The following SRPK2 variants were observed in gnomAD, a reference collection of about 807,000 sequenced individuals.
SRPK2 encodes SRSF protein kinase 2.
SRPK2 carries 21 observed loss-of-function variants against 90.8 expected under a neutral mutation model. The observed-to-expected ratio is 0.23, with a 90% confidence interval of 0.16 to 0.33. The LOEUF is 0.33. SRPK2 is among the 10% of genes least tolerant of loss of function. SRPK2 has a pLI of 1.00. For missense variants in SRPK2, 620 were observed against 869.0 expected (o/e 0.71, Z 3.60); for synonymous variants, 288 against 311.1 (o/e 0.93, Z 0.78).
chr7:105,250,339 T>TAAACAAAC (rs58664882), intron 2 of SRPK2, among the ~76,000 whole-genome samples: 13 of 151,092 alleles, frequency 8.6e-5, no homozygotes, highest in African/African-American at 2.4e-4. Flanking sequence ...AAACTCTGTC[T>TAAACAAAC]AAACAAACAA....
chr7:105,240,822 C>T (rs754277175), intron 2 of SRPK2, among the ~76,000 whole-genome samples: 2 of 152,130 alleles, frequency 1.3e-5, no homozygotes, highest in Non-Finnish European at 2.9e-5. Flanking sequence ...TCAATTTCCA[C>T]AAATAAAATA....
At chr7:105,338,844 T>TGG (rs1282140101) in intron 2 of SRPK2, among the ~76,000 whole-genome samples, 1 of 152,162 alleles carries the variant, frequency 6.6e-6, no homozygotes, top group Non-Finnish European at 1.5e-5. Flanking sequence ...ATTAGAATCT[T>TGG]GGATTTTTCA....
intron 2 of SRPK2, among the ~76,000 whole-genome samples, chr7:105,364,277 G>A (rs1818763131): frequency 6.6e-6 from 1 of 152,038 alleles, no homozygotes; most frequent in Non-Finnish European, 1.5e-5. Flanking sequence ...AAGCCTGATG[G>A]TTTTCATTGC....
intron 2 of SRPK2, among the ~76,000 whole-genome samples, chr7:105,226,843 G>A (rs1302500048): frequency 6.6e-6 from 1 of 151,848 alleles, no homozygotes; most frequent in Non-Finnish European, 1.5e-5. Flanking sequence ...ACTAAAAATA[G>A]AAAAATTAGC....
intron 2 of SRPK2, among the ~76,000 whole-genome samples, chr7:105,278,713 AGGAAAGG>A (rs1408534468): frequency 6.7e-6 from 1 of 149,746 alleles, no homozygotes; most frequent in Non-Finnish European, 1.5e-5. Flanking sequence ...GAAAGGAAAG[AGGAAAGG>A]GGAAAGGGGG....
intron 3 of SRPK2, among the ~76,000 whole-genome samples, chr7:105,176,216 A>G (rs186006016): frequency 2.6e-4 from 39 of 152,334 alleles, no homozygotes; most frequent in Admixed American, 1.5e-3. Context: ...ATATGCTAAA[A>G]AAGAAAATCT....
intron 2 of SRPK2, among the ~76,000 whole-genome samples, chr7:105,301,310 G>A (rs1810523016): frequency 6.7e-6 from 1 of 149,636 alleles, no homozygotes; most frequent in South Asian, 2.1e-4. Context: ...AAAAGCCGCG[G>A]CTCCGGGTCC....
rs140411836 is a variant in SRPK2, at chr7:105,159,375, G to A, written c.621+1132C>T. On this transcript the variant is annotated intron_variant, in intron 7 of 15. Coordinates refer to ENST00000393651, the MANE Select transcript of SRPK2 (RefSeq NM_182692.3). Reference sequence around the variant, plus strand: ...GTACCAAGCACCTATAGTCCCAGCTGCTCAGGAGGCTGCAATGAGCTGAGA... The same window carrying A: ...GTACCAAGCACCTATAGTCCCAGCTACTCAGGAGGCTGCAATGAGCTGAGA... Among the ~76,000 whole-genome samples the A allele has an allele frequency of 3.2e-3, 457 of 142,594 alleles. 14 individuals carry two copies. The East Asian group carries it at 0.064, about 20-fold the overall frequency. The allele number at this position is 142,594 out of a possible 152,430, so 93.5% of individuals were successfully genotyped here.
chr7:105,297,321 A>G (rs879774542), intron 2 of SRPK2: 14 of 285,080 alleles, frequency 4.9e-5, no homozygotes, highest in Non-Finnish European at 5.8e-5. Flanking sequence ...AGTGACACAG[A>G]CACAGATCTG....
In SRPK2 at chr7:105,143,132, T is replaced by C. The variant is rs1456169324; in HGVS notation, c.1012A>G (p.Thr338Ala). The C allele has an allele frequency of 3.1e-6, 5 of 1,614,172 alleles. No individual in the cohort carries two copies. The highest frequency in any genetic ancestry group is 4.2e-6 in the Non-Finnish European group (5 of 1,180,024). Residue 338 changes from threonine to alanine, a missense_variant, in exon 10 of 16, where the codon ACA becomes GCA. Physicochemically the swap from Thr to Ala is moderately conservative, Grantham distance 58. Coordinates refer to ENST00000393651, the MANE Select transcript of SRPK2 (RefSeq NM_182692.3). ...GEYCPEVKLKTTGLEEAAEAE... is the reference protein window; with the variant it reads ...GEYCPEVKLKATGLEEAAEAE... ...TCAGCCGCCTCCTCTAATCCTGTTGTTTTTAGTTTCACCTCTGGGCAGTAT... is the reference window on the plus strand; with the variant it reads ...TCAGCCGCCTCCTCTAATCCTGTTGCTTTTAGTTTCACCTCTGGGCAGTAT...
chr7:105,295,127 G>A (rs775534747), intron 2 of SRPK2, among the ~76,000 whole-genome samples: 30 of 151,592 alleles, frequency 2.0e-4, no homozygotes, highest in Non-Finnish European at 4.0e-4. Flanking sequence ...CACGAGAATC[G>A]CTTGAACCCA....
chr7:105,195,878 G>C (rs1004116035), intron 3 of SRPK2, among the ~76,000 whole-genome samples: 2 of 152,176 alleles, frequency 1.3e-5, no homozygotes, highest in African/African-American at 2.4e-5. Context: ...GGGGTGCCAG[G>C]GAAGCTAGAC....
Position 105,174,997 on chromosome 7 carries a change from T to C in SRPK2, c.230-5732A>G, listed in dbSNP as rs182317406. ...CCTCTCTTACTAAAAATACAAAAAT[T>C]AGCTGGGCGTGGTGGTGCACGCCTG... is the stretch of plus-strand genomic sequence containing the variant. On this transcript the variant is annotated intron_variant, in intron 3 of 15. Transcript: ENST00000393651. Among the ~76,000 whole-genome samples the C allele has an allele frequency of 2.1e-3, 324 of 152,092 alleles. 4 individuals are homozygous for C. The highest frequency in any genetic ancestry group is 7.5e-3 in the African/African-American group (311 of 41,504).
chr7:105,203,561 C>T, intron 3 of SRPK2, 67 bp downstream of exon 3: 2 of 1,387,566 alleles, frequency 1.4e-6, no homozygotes, highest in Admixed American at 2.8e-5. Flanking sequence ...TTGTCCATTC[C>T]CCCAACAAAT....
intron 2 of SRPK2, among the ~76,000 whole-genome samples, chr7:105,368,520 A>C (rs1171966982): frequency 6.6e-6 from 1 of 152,140 alleles, no homozygotes; most frequent in Non-Finnish European, 1.5e-5. Context: ...AGACCACTGA[A>C]TCAGCATCCA....
intron 2 of SRPK2, among the ~76,000 whole-genome samples, chr7:105,209,946 C>T (rs796594627): frequency 3.3e-5 from 5 of 152,202 alleles, no homozygotes; most frequent in African/African-American, 7.2e-5. Context: ...CAATATCATA[C>T]TATAATACTA....
chr7:105,312,617 T>C (rs936124599), intron 2 of SRPK2, among the ~76,000 whole-genome samples: 8 of 152,178 alleles, frequency 5.3e-5, no homozygotes, highest in Non-Finnish European at 8.8e-5. Context: ...GATAAAATCG[T>C]ATGTATCAAC....
chr7:105,135,245 T>G (rs1236347385), intron 11 of SRPK2, among the ~76,000 whole-genome samples: 1 of 152,228 alleles, frequency 6.6e-6, no homozygotes, highest in Non-Finnish European at 1.5e-5. Context: ...TTAAACTCTA[T>G]GAGGCTTGGT....
At position 105,132,800 on chromosome 7, in the gene SRPK2, C is replaced by T. The variant is rs758052569; in HGVS notation, c.1743G>A (p.Thr581=). The T allele has an allele frequency of 8.7e-6, 14 of 1,607,570 alleles. No homozygotes were observed. The highest frequency in any genetic ancestry group is 6.7e-5 in the East Asian group (3 of 44,494). The change falls in exon 13 of 16, where the codon ACG becomes ACA. Residue 581 remains threonine, a synonymous_variant. Coordinates refer to ENST00000393651, the MANE Select transcript of SRPK2 (RefSeq NM_182692.3). ...GYSTPADIWS[T]ACMAFELATG... ...GCACAGCCGTCCTTACCATACACGC[C>T]GTGCTCCAGATGTCCGCAGGGGTGC...
Sources: gnomAD v4.1 joint callset for allele counts (sites outside exome capture counted in the v4.1 genomes callset) on GRCh38, gnomAD v4.1.1 for gene constraint, MANE v1.5 for transcripts, NCBI Gene and HGNC (gene_info 2026-07-23, HGNC 2026-07-21) for gene names.